Variants in UST observed in about 807,000 individuals in gnomAD.
The protein encoded by UST is chondroitin sulfate 2-O-sulfotransferase.
UST carries 21 observed loss-of-function variants against 45.6 expected under a neutral mutation model. That is an observed-to-expected ratio of 0.46 (90% confidence interval 0.33 to 0.66). UST has a LOEUF of 0.66. UST is among the 30% of genes least tolerant of loss of function. The pLI is 0.02. For missense variants in UST, 463 were observed against 512.4 expected (o/e 0.90, Z 0.93); for synonymous variants, 215 against 200.6 (o/e 1.07, Z -0.61).
intron 7 of UST, among the ~76,000 whole-genome samples, chr6:149,036,420 G>C (rs1213893966): frequency 6.6e-6 from 1 of 152,204 alleles, no homozygotes; most frequent in African/African-American, 2.4e-5. Context: ...GCCTTCCACT[G>C]ATAATCCTTC....
chr6:148,789,720 C>T (rs909205317), intron 1 of UST, among the ~76,000 whole-genome samples: 1 of 151,828 alleles, frequency 6.6e-6, no homozygotes, highest in Admixed American at 6.6e-5. Flanking sequence ...TCCTGTAATT[C>T]AGCCTCTCCT....
chr6:148,826,583 C>T (rs1777571114), intron 1 of UST, among the ~76,000 whole-genome samples: 1 of 152,128 alleles, frequency 6.6e-6, no homozygotes, highest in Admixed American at 6.5e-5. Flanking sequence ...ACTTCATGAG[C>T]CATTTCAATT....
intron 6 of UST, 128 bp from the exon 7 acceptor site, chr6:149,021,196 G>T: frequency 9.5e-7 from 1 of 1,054,674 alleles, no homozygotes; most frequent in Non-Finnish European, 1.4e-6. Flanking sequence ...ATCTGGGCTG[G>T]TCCTTGAGGG....
intron 1 of UST, among the ~76,000 whole-genome samples, chr6:148,847,933 G>C (rs1778020992): frequency 1.3e-5 from 2 of 152,250 alleles, no homozygotes; most frequent in South Asian, 4.2e-4. Flanking sequence ...TCTCCCACTG[G>C]ACAGAGCTTT....
chr6:148,911,272 T>A (rs1388752182), intron 2 of UST, among the ~76,000 whole-genome samples: 1 of 152,130 alleles, frequency 6.6e-6, no homozygotes, highest in Non-Finnish European at 1.5e-5. Context: ...CTCTGAGAGG[T>A]AGAGCCTCAG....
intron 7 of UST, among the ~76,000 whole-genome samples, chr6:149,023,103 TGTGTG>T (rs1245539308): frequency 4.1e-4 from 1 of 2,414 alleles, no homozygotes; most frequent in Non-Finnish European, 7.8e-4. Context: ...TGTTCTATGG[TGTGTG>T]TGTGTGTGTG....
At chr6:148,864,997 C>G (rs1180992862) in intron 1 of UST, among the ~76,000 whole-genome samples, 2 of 152,174 alleles carry the variant, frequency 1.3e-5, no homozygotes, top group African/African-American at 4.8e-5. Context: ...TAAGCTAACT[C>G]AAAATGCGAC....
At chr6:148,791,408 C>G (rs181121704) in intron 1 of UST, among the ~76,000 whole-genome samples, 1 of 152,294 alleles carries the variant, frequency 6.6e-6, no homozygotes, top group Admixed American at 6.5e-5. Flanking sequence ...TTAAAACTAT[C>G]ATGTGAATAA....
In UST at chr6:149,001,072, C is replaced by CTT. The variant is rs71554430; in HGVS notation, c.682-18051_682-18050dup. Among the ~76,000 whole-genome samples the CTT allele has an allele frequency of 3.9e-3, 532 of 136,354 alleles. 6 individuals carry two copies. The highest frequency in any genetic ancestry group is 0.013 in the South Asian group (54 of 4,276). The allele number at this position is 136,354 out of a possible 152,430, so 89.5% of individuals were successfully genotyped here. A position where few individuals can be genotyped will look rare whatever the true frequency, so the allele number is the denominator to read the frequency against. Reference sequence around the variant, plus strand: ...AAATATTCCAAAATTGGAGATGATTCTTTTTTTTTTTTTTTTTGAGACAGA... The same window carrying CTT: ...AAATATTCCAAAATTGGAGATGATTCTTTTTTTTTTTTTTTTTTTGAGACAGA... On this transcript the variant is annotated intron_variant, in intron 5 of 7. Coordinates refer to ENST00000367463, the MANE Select transcript of UST (RefSeq NM_005715.3).
chr6:148,785,057 C>T (rs1776711185), intron 1 of UST, among the ~76,000 whole-genome samples: 1 of 152,170 alleles, frequency 6.6e-6, no homozygotes, highest in South Asian at 2.1e-4. Context: ...GAAATACACG[C>T]CGGCTTGGCG....
At chr6:148,832,252 A>G (rs144348049) in intron 1 of UST, among the ~76,000 whole-genome samples, 8 of 152,302 alleles carry the variant, frequency 5.3e-5, no homozygotes, top group East Asian at 1.9e-4. Context: ...CGGCCTCCCA[A>G]AAGAATATTA....
At chr6:149,030,720 G>A (rs981059865) in intron 7 of UST, among the ~76,000 whole-genome samples, 6 of 151,266 alleles carry the variant, frequency 4.0e-5, no homozygotes, top group Non-Finnish European at 8.8e-5. Flanking sequence ...ACTGGATCTT[G>A]TGTGTGTGTT....
chr6:148,773,797 C>T (rs185540535), intron 1 of UST, among the ~76,000 whole-genome samples: 17 of 152,178 alleles, frequency 1.1e-4, no homozygotes, highest in Admixed American at 7.8e-4. Flanking sequence ...TTTTTTTGTA[C>T]GTGGGGCGCC....
At chr6:148,851,719 G>A (rs1291025833) in intron 1 of UST, among the ~76,000 whole-genome samples, 2 of 152,192 alleles carry the variant, frequency 1.3e-5, no homozygotes, top group African/African-American at 4.8e-5. Flanking sequence ...GTGACGGCTG[G>A]GAATAGAATG....
chr6:149,015,402 CA>C (rs1775882639), intron 5 of UST, among the ~76,000 whole-genome samples: 1 of 152,116 alleles, frequency 6.6e-6, no homozygotes, highest in African/African-American at 2.4e-5. Context: ...CCTAATAATG[CA>C]AAATCTTGAG....
chr6:148,843,979 GGTTAAAAAGGTTC>G (rs1562274796), intron 1 of UST, among the ~76,000 whole-genome samples: 1 of 152,084 alleles, frequency 6.6e-6, no homozygotes, highest in African/African-American at 2.4e-5. Context: ...GAGTAACTTT[GGTTAAAAAGGTTC>G]AGGGATGGAT....
intron 7 of UST, among the ~76,000 whole-genome samples, chr6:149,045,896 C>T (rs1037767859): frequency 6.6e-6 from 1 of 152,138 alleles, no homozygotes; most frequent in African/African-American, 2.4e-5. Flanking sequence ...TTCAATTATA[C>T]CTTAAAAAAA....
intron 3 of UST, among the ~76,000 whole-genome samples, chr6:148,950,373 T>C (rs961554900): frequency 6.6e-6 from 1 of 152,254 alleles, no homozygotes; most frequent in Non-Finnish European, 1.5e-5. Flanking sequence ...GCTGTGCTTC[T>C]GTATCTAATC....
intron 7 of UST, among the ~76,000 whole-genome samples, chr6:149,042,130 A>G (rs1273952759): frequency 2.0e-5 from 3 of 152,222 alleles, no homozygotes; most frequent in African/African-American, 7.2e-5. Flanking sequence ...TGACTTAGGC[A>G]CTTTTATTAT....
Sources: allele counts gnomAD v4.1 joint callset (sites outside exome capture counted in the v4.1 genomes callset), GRCh38; gene constraint gnomAD v4.1.1; transcripts MANE v1.5; gene names NCBI Gene and HGNC (gene_info 2026-07-23, HGNC 2026-07-21).